The following PHYKPL variants were observed in gnomAD, a reference collection of about 807,000 sequenced individuals.
The protein encoded by PHYKPL is 5-phosphohydroxy-L-lysine phospho-lyase.
Under a neutral mutation model 51.3 loss-of-function variants are expected in PHYKPL, and 42 were observed. The ratio of observed to expected loss-of-function variants is 0.82; its 90% CI spans 0.64 to 1.06. PHYKPL has a LOEUF of 1.06. Among genes scored for constraint, PHYKPL ranks in the 50% least tolerant of loss-of-function variants. The pLI is 0.00. For synonymous variants in PHYKPL, 264 were observed against 236.0 expected, an observed-to-expected ratio of 1.12 and a Z score of -1.09; for missense variants, 655 against 586.6, an observed-to-expected ratio of 1.12 and a Z score of -1.20.
intron 8 of PHYKPL, chr5:178,215,643 G>C (rs964976812): frequency 1.8e-6 from 1 of 567,590 alleles, no homozygotes; most frequent in Non-Finnish European, 3.0e-6. Flanking sequence ...CTGCAACTCA[G>C]GTCAGGTATC....
intron 6 of PHYKPL, chr5:178,223,916 G>A (rs959722910): frequency 1.1e-5 from 2 of 187,306 alleles, no homozygotes; most frequent in East Asian, 3.2e-4. Context: ...ACCTCAAGCC[G>A]CCGCATTCCA....
rs1561755565 is a variant in PHYKPL at position 178,231,628 on chromosome 5, G to GA, written c.60-106_60-105insT. The GA allele has an allele frequency of 1.9e-6, 3 of 1,607,350 alleles. No homozygotes were observed. In the South Asian group the frequency reaches 3.3e-5, roughly 18 times the overall value. ...CCCCTTCCCAGTTTCTGGTGGCGGG[G>GA]GGGAAATGAGAGCTGGAAGGGCAAG... On this transcript the variant is annotated intron_variant, in intron 1 of 12. Coordinates refer to ENST00000308158, the MANE Select transcript of PHYKPL (RefSeq NM_153373.4).
intron 8 of PHYKPL, among the ~76,000 whole-genome samples, chr5:178,220,308 G>C (rs1278534600): frequency 6.6e-6 from 1 of 151,942 alleles, no homozygotes; most frequent in Non-Finnish European, 1.5e-5. Flanking sequence ...AGAGCAGCCT[G>C]ACCAACATGG....
chr5:178,218,892 A>C (rs1251971354), intron 8 of PHYKPL, among the ~76,000 whole-genome samples: 2 of 152,206 alleles, frequency 1.3e-5, no homozygotes, highest in Non-Finnish European at 2.9e-5. Context: ...CCAGTTACCA[A>C]AACCCAAGGT....
chr5:178,209,365 TCAGCAG>T (rs1217126863), intron 12 of PHYKPL: 1 of 1,614,162 alleles, frequency 6.2e-7, no homozygotes, highest in South Asian at 1.1e-5. Flanking sequence ...AAGAAGTCTA[TCAGCAG>T]CAGCAGTATG....
chr5:178,215,137 G>T (rs556569206), intron 9 of PHYKPL, 139 bp downstream of exon 9: 1 of 1,397,802 alleles, frequency 7.2e-7, no homozygotes, highest in Non-Finnish European at 9.8e-7. Flanking sequence ...AGCCGTTTTG[G>T]GCAATAGCAC....
chr5:178,232,530 C>G lies in PHYKPL; in HGVS notation c.21G>C (p.Pro7=). Residue 7 remains proline, a synonymous_variant, in exon 1 of 13, where the codon CCG becomes CCC. Coordinates refer to ENST00000308158, the MANE Select transcript of PHYKPL (RefSeq NM_153373.4). MAADQR[P]KADTLALRQR... ...GCCTCAGGGCCAGCGTGTCGGCCTTCGGGCGCTGGTCTGCGGCCATGGTGG... is the reference window on the plus strand; with the variant it reads ...GCCTCAGGGCCAGCGTGTCGGCCTTGGGGCGCTGGTCTGCGGCCATGGTGG... 7.6e-7 allele frequency: 1 copy of G among 1,313,874 alleles called. No homozygotes were observed. The highest frequency in any genetic ancestry group is 9.6e-7 in the Non-Finnish European group (1 of 1,038,530). The allele number at this position is 1,313,874 out of a possible 1,614,324, so 81.4% of individuals were successfully genotyped here. A position where few individuals can be genotyped will look rare whatever the true frequency, so the allele number is the denominator to read the frequency against.
intron 1 of PHYKPL, chr5:178,231,813 A>G (rs898992589): frequency 6.6e-5 from 92 of 1,384,270 alleles, no homozygotes; most frequent in Non-Finnish European, 8.6e-5. Context: ...AGTCTCCCGG[A>G]TCCTGAGAAA....
At chr5:178,217,939 T>C (rs62388715) in intron 8 of PHYKPL, among the ~76,000 whole-genome samples, 97,619 of 149,936 alleles carry the variant, frequency 0.65, 32,227 homozygotes, top group African/African-American at 0.75. Context: ...CAGTCATGTC[T>C]GGGCGCGGTG....
At chr5:178,226,499 AAGATAC>A (rs1214104665) in intron 3 of PHYKPL, 2 of 152,224 alleles carry the variant, frequency 1.3e-5, no homozygotes, top group Non-Finnish European at 2.9e-5. Flanking sequence ...GATATTATAA[AAGATAC>A]AGATAAAGAG....
At chr5:178,224,054 C>T (rs41285585) in intron 6 of PHYKPL, 67,026 of 202,658 alleles carry the variant, frequency 0.33, 14,493 homozygotes, top group African/African-American at 0.67. Flanking sequence ...AGCATAGTTC[C>T]GGTGCCCTCT....
chr5:178,223,248 A>G, intron 6 of PHYKPL: 1 of 422,646 alleles, frequency 2.4e-6, no homozygotes, highest in South Asian at 1.9e-5. Flanking sequence ...TCAACCCATC[A>G]GTCAGCACTG....
chr5:178,224,053 C>G, intron 6 of PHYKPL: 1 of 207,144 alleles, frequency 4.8e-6, no homozygotes, highest in South Asian at 8.7e-5. Context: ...CAGCATAGTT[C>G]CGGTGCCCTC....
rs781248682 is a variant in PHYKPL at position 178,224,530 on chromosome 5, C to T, written c.536G>A (p.Arg179Gln). The change falls in exon 6 of 13, where the codon CGG (arginine) becomes CAG (glutamine). Residue 179 changes from arginine (R) to glutamine (Q), a missense_variant. Coordinates refer to ENST00000308158, the MANE Select transcript of PHYKPL (RefSeq NM_153373.4). ...PLPDTYRGPYREDHPNPAMAY... is the reference protein window; with the variant it reads ...PLPDTYRGPYQEDHPNPAMAY... ...CATAGCTGGGTTGGGGTGGTCCTCCCGGTAGGGGCCCCGGTAGGTGTCTGG... is the reference window on the plus strand; with the variant it reads ...CATAGCTGGGTTGGGGTGGTCCTCCTGGTAGGGGCCCCGGTAGGTGTCTGG... 1.1e-5 allele frequency: 17 copies of T among 1,613,850 alleles called. No individual in the cohort carries two copies. The highest frequency in any genetic ancestry group is 7.7e-5 in the South Asian group (7 of 91,072).
intron 3 of PHYKPL, 102 bp from the exon 4 acceptor site, chr5:178,225,531 A>C: frequency 9.0e-7 from 1 of 1,113,754 alleles, no homozygotes; most frequent in South Asian, 1.3e-5. Context: ...GAAGATTCTC[A>C]GGACATCAAC....
chr5:178,232,322 G>A (rs1434622416), intron 1 of PHYKPL, 170 bp downstream of exon 1: 39 of 1,265,454 alleles, frequency 3.1e-5, no homozygotes, highest in Non-Finnish European at 3.6e-5. Flanking sequence ...GGCGCCGCCC[G>A]CCTCGGGCCC....
In PHYKPL at chr5:178,232,580, GC is replaced by G. The variant is rs980958078; in HGVS notation, c.-31del. ...GGTGGCCGTCAGTCGGTGCCGTGAC[GC>G]CACGCGGAGACGTCGCCGCGCGGGC... On this transcript the variant is annotated 5_prime_UTR_variant, in exon 1 of 13. Coordinates refer to ENST00000308158, the MANE Select transcript of PHYKPL (RefSeq NM_153373.4). 1.1e-5 allele frequency: 14 copies of G among 1,250,976 alleles called. No homozygotes were observed. The highest frequency in any genetic ancestry group is 4.2e-5 in the Admixed American group (1 of 23,688). 77.5% of individuals were successfully genotyped at this position (1,250,976 alleles called of 1,614,324 possible). A position where few individuals can be genotyped will look rare whatever the true frequency, so the allele number is the denominator to read the frequency against.
chr5:178,218,089 C>G (rs1402435314), intron 8 of PHYKPL, among the ~76,000 whole-genome samples: 1 of 112,584 alleles, frequency 8.9e-6, no homozygotes, highest in African/African-American at 3.9e-5. Flanking sequence ...TGGTAGCGGG[C>G]GCCTGTAGTC....
rs1763371267 is a variant in PHYKPL at position 178,231,392 on chromosome 5, G to A, written c.178+13C>T. The A allele has an allele frequency of 1.2e-6, 2 of 1,614,184 alleles. No homozygotes were observed. Among genetic ancestry groups the A allele is most frequent in the East Asian group, 2.2e-5 (1 of 44,882 alleles). ...TCCTCTCCTGCCCTGCCAGCCTGAGGTGTGATACTGACCGTGCGCCACATT... is the reference window on the plus strand; with the variant it reads ...TCCTCTCCTGCCCTGCCAGCCTGAGATGTGATACTGACCGTGCGCCACATT... On this transcript the variant is annotated intron_variant, in intron 2 of 12. Transcript: ENST00000308158.
Sources: allele counts gnomAD v4.1 joint callset (sites outside exome capture counted in the v4.1 genomes callset), GRCh38; gene constraint gnomAD v4.1.1; transcripts MANE v1.5; gene names NCBI Gene and HGNC (gene_info 2026-07-23, HGNC 2026-07-21).